The following JAM2 variants were observed in gnomAD, a reference collection of about 807,000 sequenced individuals.
JAM2 encodes the protein junctional adhesion molecule B.
JAM2 carries 17 observed loss-of-function variants against 42.0 expected under a neutral mutation model. The observed-to-expected ratio is 0.40, with a 90% CI of 0.28 to 0.61. The LOEUF is 0.61. Ranked by LOEUF, JAM2 falls within the 20% of genes least tolerant of loss-of-function variation. JAM2 has a pLI of 0.37. For synonymous variants in JAM2, 118 were observed against 128.6 expected (o/e 0.92, Z 0.56); for missense variants, 319 against 358.3 (o/e 0.89, Z 0.89).
chr21:25,644,488 C>CT (rs1413607801), intron 1 of JAM2, among the ~76,000 whole-genome samples: 3 of 152,222 alleles, frequency 2.0e-5, no homozygotes, highest in Admixed American at 6.5e-5. Context: ...CCCTGCGACA[C>CT]CAGGCTGCCA....
chr21:25,705,996 G>A lies in JAM2; in HGVS notation c.715G>A (p.Gly239Ser). ...CATTCCAGATGATCTCAACATAAGTGGCATCATAGCAGCCGTAGTAGTTGT... is the reference window on the plus strand; with the variant it reads ...CATTCCAGATGATCTCAACATAAGTAGCATCATAGCAGCCGTAGTAGTTGT... Reference protein sequence around the residue: ...RMQVDDLNISGIIAAVVVVAL... With the variant: ...RMQVDDLNISSIIAAVVVVAL... Residue 239 changes from glycine (G) to serine (S), a missense_variant, in exon 7 of 10, where the codon GGC (glycine) becomes AGC (serine). Gly to Ser is a moderately conservative substitution (Grantham distance 56). Transcript: ENST00000480456. 6.2e-7 allele frequency: 1 copy of A among 1,611,602 alleles called. No individual in the cohort carries two copies. Among genetic ancestry groups the A allele is most frequent in the South Asian group, 1.1e-5 (1 of 91,026 alleles).
At chr21:25,711,624 A>G (rs1473403092) in intron 8 of JAM2, 1 of 314,634 alleles carries the variant, frequency 3.2e-6, no homozygotes, top group African/African-American at 2.2e-5. Context: ...ATTAGCAGTA[A>G]TAAAGCCAGT....
rs922417501 is a variant in JAM2, at chr21:25,714,784, T to G, written c.*112T>G. The G allele has an allele frequency of 1.5e-6, 1 of 675,754 alleles. No individual in the cohort carries two copies. The highest frequency in any genetic ancestry group is 2.4e-6 in the Non-Finnish European group (1 of 416,738). 41.9% of individuals were successfully genotyped at this position (675,754 alleles called of 1,614,324 possible). A position where few individuals can be genotyped will look rare whatever the true frequency, so the allele number is the denominator to read the frequency against. On this transcript the variant is annotated 3_prime_UTR_variant, in exon 10 of 10. Transcript: ENST00000480456. ...AAAGAGGTACACGAGGAAATGGAAT[T>G]GGTATTTCATTTTAATTTTCATGAC... is the stretch of plus-strand genomic sequence containing the variant.
Position 25,712,369 on chromosome 21 carries a change from C to T in JAM2, c.851C>T (p.Thr284Ile). ...AGTAATTCTTCATCTAAAGCCACGA[C>T]AATGAGTGAAAATGTGAGTATCTTT... ...QKSNSSSKAT[T>I]MSENDFKHTK... Residue 284 changes from threonine (T) to isoleucine (I), a missense_variant, in exon 9 of 10, where the codon ACA (threonine) becomes ATA (isoleucine). Physicochemically the swap from Thr to Ile is moderately conservative, Grantham distance 89. Transcript: ENST00000480456. The T allele has an allele frequency of 6.3e-7, 1 of 1,594,664 alleles. No homozygotes were observed. Among genetic ancestry groups the T allele is most frequent in the Non-Finnish European group, 8.6e-7 (1 of 1,163,300 alleles).
intron 1 of JAM2, among the ~76,000 whole-genome samples, chr21:25,681,584 G>A (rs761953433): frequency 6.6e-6 from 1 of 152,170 alleles, no homozygotes; most frequent in Non-Finnish European, 1.5e-5. Context: ...TTTGAGTGGG[G>A]ACACAGCCAA....
At chr21:25,708,168 C>A (rs746577198) in intron 7 of JAM2, among the ~76,000 whole-genome samples, 7 of 151,888 alleles carry the variant, frequency 4.6e-5, no homozygotes, top group Non-Finnish European at 8.8e-5. Context: ...TATTTTATGC[C>A]AAAAATAAAC....
intron 2 of JAM2, among the ~76,000 whole-genome samples, chr21:25,685,457 T>C (rs956947778): frequency 2.1e-5 from 3 of 139,570 alleles, no homozygotes; most frequent in Non-Finnish European, 4.5e-5. Flanking sequence ...TGCAGGAGTT[T>C]GAGGCTGCAG....
At chr21:25,666,243 T>C (rs1345697606) in intron 1 of JAM2, among the ~76,000 whole-genome samples, 1 of 151,974 alleles carries the variant, frequency 6.6e-6, no homozygotes, top group Non-Finnish European at 1.5e-5. Flanking sequence ...TGTTATTAAA[T>C]TTAGAATGCT....
At chr21:25,679,473 A>G (rs1422676173) in intron 1 of JAM2, among the ~76,000 whole-genome samples, 1 of 152,104 alleles carries the variant, frequency 6.6e-6, no homozygotes, top group East Asian at 1.9e-4. Context: ...GACATTTACT[A>G]TTTAGGGACA....
intron 5 of JAM2, among the ~76,000 whole-genome samples, chr21:25,701,154 T>C (rs1313412875): frequency 2.6e-5 from 4 of 152,368 alleles, no homozygotes; most frequent in South Asian, 4.1e-4. Flanking sequence ...AAGATCATTT[T>C]GGGTTTTAGT....
chr21:25,703,274 C>A (rs541931818), intron 6 of JAM2, among the ~76,000 whole-genome samples: 2 of 152,302 alleles, frequency 1.3e-5, no homozygotes, highest in African/African-American at 4.8e-5. Flanking sequence ...GGAATCATAT[C>A]CAGGAAGTCA....
chr21:25,694,919 T>C (rs941876359), intron 4 of JAM2, among the ~76,000 whole-genome samples: 45 of 151,440 alleles, frequency 3.0e-4, no homozygotes, highest in Middle Eastern at 3.5e-3. Context: ...TTCTCTTTCA[T>C]TGGTGGTGTA....
At chr21:25,668,270 C>A (rs181131225) in intron 1 of JAM2, among the ~76,000 whole-genome samples, 24 of 152,318 alleles carry the variant, frequency 1.6e-4, no homozygotes, top group African/African-American at 5.8e-4. Flanking sequence ...AGGTTTTGAG[C>A]AGAAGAGTGC....
chr21:25,671,077 AT>A (rs1286816238), intron 1 of JAM2, among the ~76,000 whole-genome samples: 1 of 152,234 alleles, frequency 6.6e-6, no homozygotes, highest in Non-Finnish European at 1.5e-5. Context: ...CAGCTCTCAT[AT>A]TTTAAGAAAT....
intron 1 of JAM2, among the ~76,000 whole-genome samples, chr21:25,649,847 T>A (rs1212383179): frequency 6.6e-6 from 1 of 152,186 alleles, no homozygotes; most frequent in Non-Finnish European, 1.5e-5. Flanking sequence ...AAGTTCAACA[T>A]TGGGCAGCTA....
intron 1 of JAM2, among the ~76,000 whole-genome samples, chr21:25,670,760 C>A (rs1488155818): frequency 6.6e-6 from 1 of 152,094 alleles, no homozygotes; most frequent in Non-Finnish European, 1.5e-5. Context: ...TTTACAGGAC[C>A]CAAGAAATCA....
At chr21:25,676,715 A>G (rs2033505608) in intron 1 of JAM2, among the ~76,000 whole-genome samples, 1 of 152,154 alleles carries the variant, frequency 6.6e-6, no homozygotes, top group Non-Finnish European at 1.5e-5. Flanking sequence ...TCTTTTGTTT[A>G]TTTTCCTATT....
At chr21:25,681,350 C>T (rs1424347442) in intron 1 of JAM2, among the ~76,000 whole-genome samples, 1 of 152,086 alleles carries the variant, frequency 6.6e-6, no homozygotes, top group African/African-American at 2.4e-5. Context: ...CTGGGGAGGC[C>T]TCAGGAAACT....
rs751257378 is a variant in JAM2 at position 25,655,350 on chromosome 21, A to ATTTTTTTT, written c.67+15476_67+15483dup. ...AACATGATAAATATACTGAAATTCT[A>ATTTTTTTT]TTTTTTTTTTTTTTTTTTTTTGTCC... is the stretch of plus-strand genomic sequence containing the variant. On this transcript the variant is annotated intron_variant, in intron 1 of 9. Transcript: ENST00000480456. Among the ~76,000 whole-genome samples the ATTTTTTTT allele has an allele frequency of 2.6e-3, 258 of 100,076 alleles. 3 individuals carry two copies. The highest frequency in any genetic ancestry group is 6.3e-3 in the East Asian group (22 of 3,476). 65.7% of individuals were successfully genotyped at this position (100,076 alleles called of 152,430 possible). A position where few individuals can be genotyped will look rare whatever the true frequency, so the allele number is the denominator to read the frequency against.
Sources: allele counts gnomAD v4.1 joint callset (sites outside exome capture counted in the v4.1 genomes callset), GRCh38; gene constraint gnomAD v4.1.1; transcripts MANE v1.5; gene names NCBI Gene and HGNC (gene_info 2026-07-23, HGNC 2026-07-21).